USP42: variants seen among roughly 807,000 people sequenced by gnomAD.
USP42 encodes ubiquitin specific peptidase 42, also known as ubiquitin carboxyl-terminal hydrolase 42.
USP42 carries 23 observed loss-of-function variants against 113.0 expected under a neutral mutation model. The observed-to-expected ratio is 0.20, with a 90% CI of 0.15 to 0.29. USP42 has a LOEUF of 0.29. Among genes scored for constraint, USP42 ranks in the 10% least tolerant of loss-of-function variants. The pLI, the probability that USP42 is intolerant of heterozygous loss-of-function variation, is 1.00. For synonymous variants in USP42, 933 were observed against 699.0 expected, an observed-to-expected ratio of 1.33 and a Z score of -5.28; for missense variants, 2,174 against 1,779.8, an observed-to-expected ratio of 1.22 and a Z score of -3.99.
At chr7:6,098,488 T>G in the USP42 span, among the ~76,000 whole-genome samples, 1 of 150,210 alleles carries the variant, frequency 6.7e-6, no homozygotes, top group Admixed American at 6.6e-5. Context: ...TGGTATCTGA[T>G]CTTGGTGATT....
In USP42 at chr7:6,158,367, G is replaced by GTGAAGC. The variant is rs376948986; in HGVS notation, c.3944-1082_3944-1077dup. Reference sequence around the variant, plus strand: ...GGACGCCCATTGTTTGTGTTCACGTGTGAAGCGCATCCCCTCCTCCCAGGG... The same window carrying GTGAAGC: ...GGACGCCCATTGTTTGTGTTCACGTGTGAAGCTGAAGCGCATCCCCTCCTCCCAGGG... On this transcript the variant is annotated intron_variant, in intron 16 of 17. Coordinates refer to ENST00000306177, the MANE Select transcript of USP42 (RefSeq NM_032172.3). The surrounding 1 kb of genome is among the most constrained non-coding windows in gnomAD (Gnocchi z 4.2). 6.7e-3 allele frequency among the ~76,000 whole-genome samples: 1,017 copies of GTGAAGC among 152,350 alleles called. 12 individuals are homozygous for GTGAAGC. The highest frequency in any genetic ancestry group is 0.023 in the African/African-American group (963 of 41,586).
the USP42 span, among the ~76,000 whole-genome samples, chr7:6,099,145 G>A: frequency 6.7e-6 from 1 of 149,112 alleles, no homozygotes; most frequent in Non-Finnish European, 1.5e-5. Context: ...TGCTGAGGAG[G>A]CTCTGCTCTC....
chr7:6,130,145 C>T (rs1301674483), intron 3 of USP42, among the ~76,000 whole-genome samples: 2 of 152,192 alleles, frequency 1.3e-5, no homozygotes, highest in Non-Finnish European at 2.9e-5. Flanking sequence ...GCCCCCGCGC[C>T]TGGCCATGGA....
At chr7:6,116,758 T>C (rs377080277) in intron 3 of USP42, 2 of 532,812 alleles carry the variant, frequency 3.8e-6, no homozygotes, top group Non-Finnish European at 7.7e-6. Context: ...ATGCCAGAAT[T>C]AACGTTCTGT....
the USP42 span, among the ~76,000 whole-genome samples, chr7:6,092,164 T>TTCCTCTTCCTCTTC: frequency 7.1e-6 from 1 of 141,766 alleles, no homozygotes; most frequent in Non-Finnish European, 1.5e-5. Flanking sequence ...CTTCTTCTTC[T>TTCCTCTTCCTCTTC]TTCTTCTTCT....
At position 6,153,899 on chromosome 7, in the gene USP42, G is replaced by C. The variant is rs774981405; in HGVS notation, c.2345G>C (p.Gly782Ala). 2 of 1,587,908 alleles carry C rather than the reference G, an allele frequency of 1.3e-6. No homozygotes were observed. The highest frequency in any genetic ancestry group is 1.1e-5 in the South Asian group (1 of 88,590). ...AAGGCTCCGCCGCCCCGCGATCCCG[G>C]CACCCCCGCTACCAAAGAAGGCGCC... is the stretch of plus-strand genomic sequence containing the variant. The part of the protein sequence containing the change: ...TKKAPPPRDP[G>A]TPATKEGAWE... The change falls in exon 15 of 18, where the codon GGC (glycine) becomes GCC (alanine). Residue 782 changes from glycine (G) to alanine (A), a missense_variant. Transcript: ENST00000306177.
At chr7:6,137,900 C>T (rs1384089739) in intron 4 of USP42, among the ~76,000 whole-genome samples, 2 of 151,872 alleles carry the variant, frequency 1.3e-5, no homozygotes, top group Non-Finnish European at 2.9e-5. Context: ...AGGATGGCCT[C>T]GATATCCTGA....
At position 6,154,466 on chromosome 7, in the gene USP42, G is replaced by A. The variant is rs774802502; in HGVS notation, c.2912G>A (p.Ser971Asn). ...SSGEPARESR[S>N]KTEGHRHRRR... ...GGGGAGCCCGCCAGAGAGAGCAGGA[G>A]CAAGACTGAGGGCCACCGTCACCGG... The change falls in exon 15 of 18, where the codon AGC becomes AAC. Residue 971 changes from serine (S) to asparagine (N), a missense_variant. Physicochemically the swap from Ser to Asn is conservative, Grantham distance 46 (BLOSUM62 1). Coordinates refer to ENST00000306177, the MANE Select transcript of USP42 (RefSeq NM_032172.3). 9 of 1,560,722 alleles carry A rather than the reference G, an allele frequency of 5.8e-6. No individual in the cohort carries two copies. In the Admixed American group the frequency reaches 9.6e-5, roughly 17 times the overall value.
rs920491798 is a variant in USP42, at chr7:6,139,488, A to G, written c.656+294A>G. 3.8e-6 allele frequency: 1 copy of G among 261,452 alleles called. No individual in the cohort carries two copies. Among genetic ancestry groups the G allele is most frequent in the African/African-American group, 2.2e-5 (1 of 44,456 alleles). 16.2% of individuals were successfully genotyped at this position (261,452 alleles called of 1,614,324 possible). Reference sequence around the variant, plus strand: ...TATCAGCAGACGTCTGCAGATCTCAAACTAGCTGCTTCTCCTTTCTAGTTG... The same window carrying G: ...TATCAGCAGACGTCTGCAGATCTCAGACTAGCTGCTTCTCCTTTCTAGTTG... On this transcript the variant is annotated intron_variant, in intron 5 of 17. Coordinates refer to ENST00000306177, the MANE Select transcript of USP42 (RefSeq NM_032172.3). The surrounding 1 kb of genome is among the most constrained non-coding windows in gnomAD (Gnocchi z 4.5).
the USP42 span, chr7:6,084,481 G>C: frequency 6.6e-6 from 1 of 151,356 alleles, no homozygotes; most frequent in Non-Finnish European, 1.5e-5. Context: ...GAGCCTGAGG[G>C]AGGGGCTCTC....
chr7:6,118,986 A>G (rs1386343809), intron 3 of USP42, among the ~76,000 whole-genome samples: 1 of 151,928 alleles, frequency 6.6e-6, no homozygotes, highest in Non-Finnish European at 1.5e-5. Context: ...AGGCTGAGGC[A>G]GGAGGACTGT....
Position 6,154,139 on chromosome 7 carries a change from G to T in USP42, c.2585G>T (p.Arg862Leu), listed in dbSNP as rs755948932. The change falls in exon 15 of 18, where the codon CGG becomes CTG. Residue 862 changes from arginine to leucine, a missense_variant. Physicochemically the swap from Arg to Leu is moderately radical, Grantham distance 102. Transcript: ENST00000306177. ...PEGLSPAPPA[R>L]SEEPCEQPLL... is the part of the protein sequence containing the mutation. ...GGGTTGAGTCCGGCTCCGCCTGCGC[G>T]GTCGGAGGAGCCCTGCGAGCAGCCA... The T allele has an allele frequency of 1.1e-5, 18 of 1,596,440 alleles. No individual in the cohort carries two copies. Among genetic ancestry groups the T allele is most frequent in the Non-Finnish European group, 1.4e-5 (17 of 1,172,974 alleles).
intron 12 of USP42, among the ~76,000 whole-genome samples, chr7:6,148,289 A>G (rs528284724): frequency 6.6e-6 from 1 of 152,174 alleles, no homozygotes; most frequent in Non-Finnish European, 1.5e-5. Flanking sequence ...GTGAGCTGAG[A>G]TTGCACCACT....
At chr7:6,147,485 C>T (rs1198748594) in intron 11 of USP42, among the ~76,000 whole-genome samples, 1 of 152,160 alleles carries the variant, frequency 6.6e-6, no homozygotes, top group Non-Finnish European at 1.5e-5. Context: ...AAATACCTTT[C>T]AGATGAAACA....
Position 6,153,852 on chromosome 7 carries a change from C to T in USP42, c.2298C>T (p.Ala766=). ...AATCCCTGGAGGAGCCAGATGCGGC[C>T]GCCGGCCTCAGCAGCACCAAGAAGG... ...AAESLEEPDA[A]AGLSSTKKAP... The change falls in exon 15 of 18, where the codon GCC becomes GCT. Residue 766 remains alanine, a synonymous_variant. Coordinates refer to ENST00000306177, the MANE Select transcript of USP42 (RefSeq NM_032172.3). 1 of 1,548,876 alleles carries T rather than the reference C, an allele frequency of 6.5e-7. No individual in the cohort carries two copies. The highest frequency in any genetic ancestry group is 8.7e-7 in the Non-Finnish European group (1 of 1,147,402).
Position 6,154,830 on chromosome 7 carries a change from G to A in USP42, c.3276G>A (p.Pro1092=), listed in dbSNP as rs1481056650. 12 of 1,540,380 alleles carry A rather than the reference G, an allele frequency of 7.8e-6. No individual in the cohort carries two copies. The East Asian group carries it at 2.2e-4, about 29-fold the overall frequency. ...EHERAGLHER[P]HKDHNRGRRG... is the part of the protein sequence containing the mutation. The stretch of plus-strand genomic sequence containing the variant: ...AGCGGGCCGGGCTGCACGAGCGGCC[G>A]CACAAGGACCACAACCGGGGCCGTA... The change falls in exon 15 of 18, where the codon CCG becomes CCA. Residue 1092 remains proline, a synonymous_variant. Transcript: ENST00000306177.
At chr7:6,142,130 G>A (rs1781462817) in intron 7 of USP42, among the ~76,000 whole-genome samples, 1 of 151,882 alleles carries the variant, frequency 6.6e-6, no homozygotes, top group Non-Finnish European at 1.5e-5. Flanking sequence ...CTTTAATTCT[G>A]CTCATTTTTA....
At chr7:6,104,482 C>T (rs948367053), upstream of USP42, among the ~76,000 whole-genome samples, 2 of 152,262 alleles carry the variant, frequency 1.3e-5, no homozygotes, top group Non-Finnish European at 2.9e-5. Flanking sequence ...CGGAGGATTT[C>T]TCGGAGCCAA....
chr7:6,089,156 T>C, the USP42 span, among the ~76,000 whole-genome samples: 1 of 150,708 alleles, frequency 6.6e-6, no homozygotes, highest in East Asian at 1.9e-4. Context: ...GCCATTCTCC[T>C]GCCTCAGCCT....
Sources: gnomAD v4.1 joint callset for allele counts (sites outside exome capture counted in the v4.1 genomes callset) on GRCh38, gnomAD v4.1.1 for gene constraint, Gnocchi (gnomAD v3.1) non-coding constraint, MANE v1.5 for transcripts, NCBI Gene and HGNC (gene_info 2026-07-23, HGNC 2026-07-21) for gene names.